The following NDUFA10 variants were observed in gnomAD, a reference collection of about 807,000 sequenced individuals.
NDUFA10 encodes NADH dehydrogenase [ubiquinone] 1 alpha subcomplex subunit 10, mitochondrial.
Under a neutral mutation model 47.8 loss-of-function variants are expected in NDUFA10, and 40 were observed. The observed-to-expected ratio is 0.84, with a 90% CI of 0.65 to 1.09. The LOEUF is 1.09. Ranked by LOEUF, NDUFA10 falls within the 50% of genes least tolerant of loss-of-function variation. The pLI, the probability that NDUFA10 is intolerant of heterozygous loss-of-function variation, is 0.00. For missense variants in NDUFA10, 413 were observed against 451.1 expected (o/e 0.92, Z 0.76); for synonymous variants, 183 against 172.2 (o/e 1.06, Z -0.49).
rs547665087 is a variant in NDUFA10, at chr2:239,934,179, A to G, written c.295-38865T>C. On this transcript the variant is annotated intron_variant, in intron 4 of 5. Coordinates refer to the NDUFA10 transcript ENST00000419408. ...CAGGTGTGAGCCACCATGCCTGGCC[A>G]GATTTAAGTAAACTAATAGGCACCA... is the stretch of plus-strand genomic sequence containing the variant. Among the ~76,000 whole-genome samples, 4 of 152,158 alleles carry G rather than the reference A, an allele frequency of 2.6e-5. No homozygotes were observed. In the South Asian group the frequency reaches 6.2e-4, roughly 24 times the overall value.
intron 9 of NDUFA10, among the ~76,000 whole-genome samples, chr2:239,961,545 G>T (rs1194189008): frequency 6.6e-6 from 1 of 151,804 alleles, no homozygotes; most frequent in Admixed American, 6.5e-5. Flanking sequence ...GCAGACACAG[G>T]GGTGGGGCTG....
chr2:239,963,425 T>C (rs1393009721), intron 9 of NDUFA10, among the ~76,000 whole-genome samples: 2 of 152,240 alleles, frequency 1.3e-5, no homozygotes. Context: ...GACGTGACTT[T>C]CTGGCTTCAC....
intron 9 of NDUFA10, chr2:239,983,762 A>G (rs1695888275): frequency 6.5e-7 from 1 of 1,539,692 alleles, no homozygotes; most frequent in East Asian, 2.5e-5. Flanking sequence ...GAGTCTACAA[A>G]ATACCTCACC....
intron 5 of NDUFA10, chr2:240,014,305 G>T: frequency 3.5e-6 from 1 of 284,686 alleles, no homozygotes; most frequent in Non-Finnish European, 6.9e-6. Context: ...GTAAGAAAAA[G>T]GGGGAGAGGC....
chr2:240,022,137 A>G, intron 2 of NDUFA10, 35 bp downstream of exon 2: 1 of 1,575,176 alleles, frequency 6.3e-7, no homozygotes, highest in Non-Finnish European at 8.7e-7. Flanking sequence ...TATATCTGAG[A>G]AAAAGGTATC....
intron 8 of NDUFA10, among the ~76,000 whole-genome samples, chr2:239,997,256 G>T (rs1483820482): frequency 6.6e-6 from 1 of 151,698 alleles, no homozygotes; most frequent in Admixed American, 6.6e-5. Flanking sequence ...TAAAACTAGG[G>T]TATACATCAA....
intron 4 of NDUFA10, among the ~76,000 whole-genome samples, chr2:239,905,501 G>A (rs66999402): frequency 0.19 from 28,185 of 152,206 alleles, 2,796 homozygotes; most frequent in African/African-American, 0.26. Context: ...GTCTACACGC[G>A]TGTGAGGCCA....
chr2:239,967,979 T>C (rs10172439), intron 9 of NDUFA10, among the ~76,000 whole-genome samples: 25,001 of 147,460 alleles, frequency 0.17, 2,354 homozygotes, highest in East Asian at 0.24. Flanking sequence ...GAAAAAAATA[T>C]ACACACACAC....
chr2:239,983,369 G>C (rs1223370814), intron 9 of NDUFA10: 1 of 1,310,170 alleles, frequency 7.6e-7, no homozygotes, highest in Non-Finnish European at 1.0e-6. Context: ...AACTGCTGCT[G>C]ATGTCTCTGA....
At chr2:239,912,114 C>T (rs1211022380) in intron 4 of NDUFA10, among the ~76,000 whole-genome samples, 1 of 152,174 alleles carries the variant, frequency 6.6e-6, no homozygotes, top group Non-Finnish European at 1.5e-5. Context: ...CCATCCAAAG[C>T]CAATACTCCT....
intron 4 of NDUFA10, among the ~76,000 whole-genome samples, chr2:239,947,513 A>T (rs1694474307): frequency 1.3e-5 from 2 of 152,284 alleles, no homozygotes; most frequent in South Asian, 4.1e-4. Context: ...TCCCTGCCTC[A>T]CCAGGGCCCA....
At chr2:239,982,202 C>G in intron 9 of NDUFA10, 1 of 1,612,862 alleles carries the variant, frequency 6.2e-7, no homozygotes, top group Non-Finnish European at 8.5e-7. Context: ...CAGCCCGCTG[C>G]GGGTAGGGGA....
chr2:239,990,210 A>T (rs1021263125), intron 8 of NDUFA10, 28 bp from the exon 9 acceptor site: 5 of 1,527,404 alleles, frequency 3.3e-6, no homozygotes, highest in Non-Finnish European at 4.5e-6. Flanking sequence ...TGTGGATCAC[A>T]CCAAACCATC....
intron 8 of NDUFA10, among the ~76,000 whole-genome samples, chr2:239,992,373 G>C (rs895950303): frequency 6.6e-6 from 1 of 152,226 alleles, no homozygotes; most frequent in Non-Finnish European, 1.5e-5. Flanking sequence ...GAATAAAATT[G>C]TAAATAGTGT....
At chr2:239,972,407 T>C (rs1695340029) in intron 9 of NDUFA10, among the ~76,000 whole-genome samples, 1 of 152,156 alleles carries the variant, frequency 6.6e-6, no homozygotes, top group Non-Finnish European at 1.5e-5. Context: ...TTCAAAATAC[T>C]GCAAAGTTCT....
At chr2:239,991,712 A>G (rs1020022686) in intron 8 of NDUFA10, among the ~76,000 whole-genome samples, 1 of 152,224 alleles carries the variant, frequency 6.6e-6, no homozygotes, top group Middle Eastern at 3.2e-3. Flanking sequence ...ATATAAGGAT[A>G]ATTTTTGAAG....
chr2:239,918,225 G>A (rs1191460299), intron 4 of NDUFA10, among the ~76,000 whole-genome samples: 5 of 152,118 alleles, frequency 3.3e-5, no homozygotes, highest in African/African-American at 1.2e-4. Flanking sequence ...CACCTGCCAT[G>A]TTGCCAGGAA....
intron 4 of NDUFA10, among the ~76,000 whole-genome samples, chr2:239,914,191 GAC>G (rs1240370609): frequency 1.5e-5 from 2 of 135,172 alleles, no homozygotes; most frequent in South Asian, 2.2e-4. Flanking sequence ...CACATACACA[GAC>G]ACACACAAAT....
At chr2:239,988,362 C>T (rs1696090539) in intron 9 of NDUFA10, among the ~76,000 whole-genome samples, 1 of 152,144 alleles carries the variant, frequency 6.6e-6, no homozygotes, top group Non-Finnish European at 1.5e-5. Context: ...CGCATCTAAT[C>T]ATACGGCCCT....
Sources: gnomAD v4.1 joint callset for allele counts (sites outside exome capture counted in the v4.1 genomes callset) on GRCh38, gnomAD v4.1.1 for gene constraint, MANE v1.5 for transcripts, NCBI Gene and HGNC (gene_info 2026-07-23, HGNC 2026-07-21) for gene names.